Variants in BBS9 observed in about 807,000 individuals in gnomAD.
BBS9 encodes protein PTHB1.
Under a neutral mutation model 117.7 loss-of-function variants are expected in BBS9, and 89 were observed. The ratio of observed to expected loss-of-function variants is 0.76; its 90% CI spans 0.64 to 0.90. The LOEUF (loss-of-function observed/expected upper bound fraction) is 0.90, where lower values mean the gene tolerates loss of function less well. BBS9 is among the 40% of genes least tolerant of loss of function. The pLI is 0.00. For missense variants in BBS9, 982 were observed against 1,042.2 expected, an observed-to-expected ratio of 0.94 and a Z score of 0.80; for synonymous variants, 379 against 370.9, an observed-to-expected ratio of 1.02 and a Z score of -0.25.
chr7:33,328,993 T>TTTCA (rs1554422527), intron 9 of BBS9, among the ~76,000 whole-genome samples: 1,459 of 145,434 alleles, frequency 0.01, 13 homozygotes, highest in South Asian at 0.023. Context: ...GTTTTCCTTC[T>TTTCA]TTTATTTATT....
chr7:33,371,954 A>G (rs1822944077), intron 17 of BBS9, among the ~76,000 whole-genome samples: 1 of 152,222 alleles, frequency 6.6e-6, no homozygotes, highest in Non-Finnish European at 1.5e-5. Context: ...ACTGATTATC[A>G]TAATGGACTA....
At chr7:33,307,820 G>A (rs2128543272) in intron 9 of BBS9, among the ~76,000 whole-genome samples, 1 of 151,538 alleles carries the variant, frequency 6.6e-6, no homozygotes, top group South Asian at 2.1e-4. Flanking sequence ...TGAATTCATG[G>A]ATGCAGAACC....
chr7:33,273,870 C>T lies in BBS9; in HGVS notation c.930C>T (p.Asn310=), dbSNP rs140396972. The T allele has an allele frequency of 5.0e-6, 8 of 1,609,822 alleles. No homozygotes were observed. The highest frequency in any genetic ancestry group is 6.8e-6 in the Non-Finnish European group (8 of 1,176,352). The part of the protein sequence containing the change: ...TINTLIGNHN[N]MLHIYQDVTL... The stretch of plus-strand genomic sequence containing the variant: ...ATACTTTGATTGGAAATCATAATAA[C>T]ATGCTGCATATTTATCAAGATGTGA... The change falls in exon 9 of 23, where the codon AAC becomes AAT. Residue 310 remains asparagine (N), a synonymous_variant. Transcript: ENST00000242067.
chr7:33,424,433 C>A (rs1349677402), intron 19 of BBS9, among the ~76,000 whole-genome samples: 1 of 152,146 alleles, frequency 6.6e-6, no homozygotes, highest in Non-Finnish European at 1.5e-5. Context: ...CACCCTTAGA[C>A]TCACCAAATT....
intron 19 of BBS9, among the ~76,000 whole-genome samples, chr7:33,480,316 A>G (rs986918132): frequency 1.3e-5 from 2 of 152,234 alleles, no homozygotes; most frequent in African/African-American, 4.8e-5. Flanking sequence ...GCTCTATACT[A>G]GTTTCTAGCA....
At chr7:33,629,474 C>G (rs1282143959) in intron 21 of BBS9, among the ~76,000 whole-genome samples, 1 of 152,072 alleles carries the variant, frequency 6.6e-6, no homozygotes, top group Non-Finnish European at 1.5e-5. Context: ...GCTGTTCGAT[C>G]GCTATGTGAC....
intron 21 of BBS9, among the ~76,000 whole-genome samples, chr7:33,557,265 T>C (rs1353441674): frequency 6.6e-6 from 1 of 152,232 alleles, no homozygotes; most frequent in Non-Finnish European, 1.5e-5. Context: ...TTACTTTTTT[T>C]CATTTGCCAA....
intron 9 of BBS9, among the ~76,000 whole-genome samples, chr7:33,305,060 A>G (rs998984428): frequency 6.6e-6 from 1 of 151,428 alleles, no homozygotes; most frequent in African/African-American, 2.4e-5. Flanking sequence ...TTATCTGCTG[A>G]CCTTCTTTCC....
intron 21 of BBS9, among the ~76,000 whole-genome samples, chr7:33,588,795 G>A (rs1279777826): frequency 2.6e-5 from 4 of 152,098 alleles, no homozygotes; most frequent in Non-Finnish European, 5.9e-5. Flanking sequence ...AAATCAGAGG[G>A]ACAAGTGTTT....
At chr7:33,552,322 A>G (rs1854565690) in intron 21 of BBS9, among the ~76,000 whole-genome samples, 1 of 152,128 alleles carries the variant, frequency 6.6e-6, no homozygotes. Context: ...TTTGAATTGA[A>G]TCACTTACGT....
intron 19 of BBS9, among the ~76,000 whole-genome samples, chr7:33,400,502 G>T (rs1215533562): frequency 2.6e-5 from 4 of 152,082 alleles, no homozygotes; most frequent in Non-Finnish European, 5.9e-5. Context: ...TTTGAATTGT[G>T]AATTAGCGAT....
At chr7:33,141,140 C>T (rs1791389504) in intron 1 of BBS9, among the ~76,000 whole-genome samples, 1 of 152,126 alleles carries the variant, frequency 6.6e-6, no homozygotes, top group South Asian at 2.1e-4. Flanking sequence ...AAGCTCACTG[C>T]AGGCTGGCAT....
intron 19 of BBS9, among the ~76,000 whole-genome samples, chr7:33,465,221 AAGCT>A (rs936123214): frequency 6.6e-6 from 1 of 150,594 alleles, no homozygotes; most frequent in Non-Finnish European, 1.5e-5. Context: ...TGGTGCTAGA[AAGCT>A]AGTGTCTGTA....
At chr7:33,325,868 C>T (rs930272866) in intron 9 of BBS9, among the ~76,000 whole-genome samples, 1 of 152,064 alleles carries the variant, frequency 6.6e-6, no homozygotes, top group African/African-American at 2.4e-5. Flanking sequence ...GCTGTGTTTC[C>T]TGGAGCTGGG....
chr7:33,588,590 T>A (rs1441783770), intron 21 of BBS9, among the ~76,000 whole-genome samples: 1 of 152,118 alleles, frequency 6.6e-6, no homozygotes, highest in Non-Finnish European at 1.5e-5. Context: ...GCAATAAGCA[T>A]GATAAATAAG....
At chr7:33,550,152 A>G (rs745586535) in intron 21 of BBS9, among the ~76,000 whole-genome samples, 3 of 152,172 alleles carry the variant, frequency 2.0e-5, no homozygotes, top group Non-Finnish European at 4.4e-5. Context: ...CAATAAACAT[A>G]CTTCCTGTTT....
rs1793867493 is a variant in BBS9, at chr7:33,154,815, AAG to A, written c.264-821_264-820del. ...AAATTTAAAAGAGCTGTCAACATTTAAGAACCAAGAGATTTCACATAAAACCC... is the reference window on the plus strand; with the variant it reads ...AAATTTAAAAGAGCTGTCAACATTTAAACCAAGAGATTTCACATAAAACCC... On this transcript the variant is annotated intron_variant, in intron 3 of 22. Transcript: ENST00000242067. 2.0e-5 allele frequency among the ~76,000 whole-genome samples: 3 copies of A among 152,312 alleles called. No individual in the cohort carries two copies. The South Asian group carries it at 6.2e-4, about 32-fold the overall frequency.
intron 20 of BBS9, among the ~76,000 whole-genome samples, chr7:33,524,252 T>C (rs977227035): frequency 7.2e-5 from 11 of 151,880 alleles, no homozygotes; most frequent in African/African-American, 2.7e-4. Context: ...ATCAGAATGA[T>C]GCTGGCCTCA....
intron 20 of BBS9, among the ~76,000 whole-genome samples, chr7:33,518,930 A>G (rs1848209225): frequency 6.6e-6 from 1 of 152,056 alleles, no homozygotes; most frequent in African/African-American, 2.4e-5. Context: ...CTTGATTTCT[A>G]TTTGAAGAAA....
Sources: gnomAD v4.1 joint callset for allele counts (sites outside exome capture counted in the v4.1 genomes callset) on GRCh38, gnomAD v4.1.1 for gene constraint, MANE v1.5 for transcripts, NCBI Gene and HGNC (gene_info 2026-07-23, HGNC 2026-07-21) for gene names.